ADARB2: variants seen among roughly 807,000 people sequenced by gnomAD.
ADARB2 encodes the protein adenosine deaminase RNA specific B2 (inactive).
A neutral mutation model predicts 62.2 loss-of-function variants in ADARB2; 25 were observed. The ratio of observed to expected loss-of-function variants is 0.40; its 90% CI spans 0.29 to 0.56. ADARB2 has a LOEUF of 0.56. ADARB2 is among the 20% of genes least tolerant of loss of function. ADARB2 has a pLI of 0.43. For synonymous variants in ADARB2, 572 were observed against 500.8 expected (o/e 1.14, Z -1.90); for missense variants, 1,071 against 1,077.4 (o/e 0.99, Z 0.08).
At chr10:1,549,094 G>A (rs893030652) in intron 1 of ADARB2, among the ~76,000 whole-genome samples, 2 of 152,076 alleles carry the variant, frequency 1.3e-5, no homozygotes, top group Non-Finnish European at 2.9e-5. Flanking sequence ...TCAGTACAGG[G>A]TGGGAGCAGA....
chr10:1,575,628 C>T (rs969002146), intron 1 of ADARB2, among the ~76,000 whole-genome samples: 1 of 152,222 alleles, frequency 6.6e-6, no homozygotes, highest in Non-Finnish European at 1.5e-5. Flanking sequence ...CTCTCTCCCT[C>T]AGTCCTCAGC....
chr10:1,297,272 G>A (rs1470063098), intron 3 of ADARB2, among the ~76,000 whole-genome samples: 2 of 152,168 alleles, frequency 1.3e-5, no homozygotes, highest in African/African-American at 4.8e-5. Flanking sequence ...GGAGGGAGGC[G>A]TAGCCCCCGT....
intron 3 of ADARB2, among the ~76,000 whole-genome samples, chr10:1,316,298 G>T (rs1831739082): frequency 6.6e-6 from 1 of 152,210 alleles, no homozygotes; most frequent in Non-Finnish European, 1.5e-5. Flanking sequence ...GCTGGGCTTG[G>T]GCCCTGCTCT....
intron 2 of ADARB2, among the ~76,000 whole-genome samples, chr10:1,365,353 G>A (rs368814933): frequency 7.2e-5 from 11 of 152,098 alleles, no homozygotes; most frequent in East Asian, 3.9e-4. Context: ...CGGACCGGCC[G>A]TTCCCTCATC....
intron 1 of ADARB2, among the ~76,000 whole-genome samples, chr10:1,553,981 G>C (rs569382207): frequency 6.6e-6 from 1 of 152,208 alleles, no homozygotes; most frequent in Non-Finnish European, 1.5e-5. Context: ...AAGTCGGCTG[G>C]TGGAGGCTGT....
chr10:1,552,804 G>C (rs542825832), intron 1 of ADARB2, among the ~76,000 whole-genome samples: 1 of 152,174 alleles, frequency 6.6e-6, no homozygotes, highest in Non-Finnish European at 1.5e-5. Context: ...TGGTCCTGCC[G>C]GACACTCACC....
At position 1,530,828 on chromosome 10, in the gene ADARB2, TCACTCAGCACTCAGGTCTCAG is replaced by T. The variant is rs912929747; in HGVS notation, c.101-151689_101-151669del. On this transcript the variant is annotated intron_variant, in intron 1 of 9. Coordinates refer to ENST00000381312, the MANE Select transcript of ADARB2 (RefSeq NM_018702.4). ...CCCTTCAACTCTGGAAACCCACTTG[TCACTCAGCACTCAGGTCTCAG>T]CACTCAGCACTCAGGTCTCAGCACT... 3.2e-4 allele frequency among the ~76,000 whole-genome samples: 49 copies of T among 152,068 alleles called. 1 individual carries two copies. The South Asian group carries it at 8.1e-3, about 25-fold the overall frequency.
chr10:1,580,798 G>A (rs1211306330), intron 1 of ADARB2, among the ~76,000 whole-genome samples: 1 of 152,194 alleles, frequency 6.6e-6, no homozygotes, highest in East Asian at 1.9e-4. Flanking sequence ...CCACTGGTAT[G>A]TTTTCATAGC....
intron 1 of ADARB2, among the ~76,000 whole-genome samples, chr10:1,568,975 G>A (rs547849148): frequency 4.7e-4 from 72 of 152,220 alleles, no homozygotes; most frequent in African/African-American, 1.5e-3. Flanking sequence ...CAGGAGATGC[G>A]CCCATTAGAA....
At chr10:1,514,174 TCA>T (rs1831975888) in intron 1 of ADARB2, among the ~76,000 whole-genome samples, 1 of 108,104 alleles carries the variant, frequency 9.3e-6, no homozygotes, top group Non-Finnish European at 1.8e-5. Flanking sequence ...AGACGCTGTC[TCA>T]AAATATATAT....
Position 1,198,889 on chromosome 10 carries a change from G to A in ADARB2, c.1864+1077C>T, listed in dbSNP as rs530388121. On this transcript the variant is annotated intron_variant, in intron 8 of 9. Coordinates refer to ENST00000381312, the MANE Select transcript of ADARB2 (RefSeq NM_018702.4). ...GGAGGGCAAAACCTGCTCCGTTGAC[G>A]GTGGCTTGGGGAGGGCGTGGTTGCA... Among the ~76,000 whole-genome samples the A allele has an allele frequency of 2.6e-5, 4 of 152,354 alleles. No individual in the cohort carries two copies. The South Asian group carries it at 8.3e-4, about 32-fold the overall frequency.
intron 1 of ADARB2, among the ~76,000 whole-genome samples, chr10:1,408,143 A>G: frequency 6.6e-6 from 1 of 152,216 alleles, no homozygotes; most frequent in East Asian, 1.9e-4. Flanking sequence ...ATCCTTCTTA[A>G]TGAAGCTGAG....
intron 3 of ADARB2, among the ~76,000 whole-genome samples, chr10:1,322,214 C>A (rs1175354904): frequency 6.6e-6 from 1 of 152,102 alleles, no homozygotes; most frequent in Non-Finnish European, 1.5e-5. Flanking sequence ...TGGGCACTTT[C>A]TGTTGGTAGA....
intron 1 of ADARB2, among the ~76,000 whole-genome samples, chr10:1,432,772 T>A (rs1032552875): frequency 3.9e-5 from 6 of 151,998 alleles, no homozygotes; most frequent in Non-Finnish European, 7.4e-5. Flanking sequence ...GGCTCCACTT[T>A]CTCTTTTGCT....
At position 1,594,166 on chromosome 10, in the gene ADARB2, T is replaced by C. The variant is rs542645346; in HGVS notation, c.100+142885A>G. 2.6e-5 allele frequency among the ~76,000 whole-genome samples: 4 copies of C among 152,228 alleles called. No individual in the cohort carries two copies. The South Asian group carries it at 8.3e-4, about 32-fold the overall frequency. ...TTAGCCAGGCATGGTGGCGGGCGCC[T>C]GTAATCCCAGCTACTCGGGAGGCTG... On this transcript the variant is annotated intron_variant, in intron 1 of 9. Transcript: ENST00000381312.
intron 1 of ADARB2, among the ~76,000 whole-genome samples, chr10:1,732,338 T>C (rs902292704): frequency 2.0e-5 from 3 of 149,750 alleles, no homozygotes; most frequent in African/African-American, 7.4e-5. Flanking sequence ...AAATTTCCTT[T>C]TCTATGTTTC....
At chr10:1,300,909 AAT>A (rs2131817195) in intron 3 of ADARB2, among the ~76,000 whole-genome samples, 1 of 152,320 alleles carries the variant, frequency 6.6e-6, no homozygotes, top group East Asian at 1.9e-4. Flanking sequence ...AGCAATATGC[AAT>A]GTAAGATGCT....
intron 1 of ADARB2, among the ~76,000 whole-genome samples, chr10:1,557,560 T>C (rs2131983445): frequency 6.6e-6 from 1 of 152,280 alleles, no homozygotes; most frequent in Non-Finnish European, 1.5e-5. Context: ...CTCCAACAGT[T>C]CTTCACCTTC....
In ADARB2 at chr10:1,481,856, CAA is replaced by C. The variant is rs34445492; in HGVS notation, c.101-102698_101-102697del. Among the ~76,000 whole-genome samples, 116 of 135,128 alleles carry C rather than the reference CAA, an allele frequency of 8.6e-4. 1 individual carries two copies. The highest frequency in any genetic ancestry group is 2.9e-3 in the South Asian group (12 of 4,106). 88.6% of individuals were successfully genotyped at this position (135,128 alleles called of 152,430 possible). On this transcript the variant is annotated intron_variant, in intron 1 of 9. Transcript: ENST00000381312. ...TGGACGACAGAGTGAGACTCCATCT[CAA>C]AAAAAAAAAAAAAGAGAATAGAAAA...
Sources: gnomAD v4.1 joint callset for allele counts (sites outside exome capture counted in the v4.1 genomes callset) on GRCh38, gnomAD v4.1.1 for gene constraint, MANE v1.5 for transcripts, NCBI Gene and HGNC (gene_info 2026-07-23, HGNC 2026-07-21) for gene names.